The following SNX27 variants were observed in gnomAD, a reference collection of about 807,000 sequenced individuals.
SNX27 encodes the protein sorting nexin 27, also known as sorting nexin-27.
In SNX27, 22 loss-of-function variants were observed where a neutral mutation model predicts 71.6. The observed-to-expected ratio is 0.31, with a 90% CI of 0.22 to 0.44. The LOEUF (loss-of-function observed/expected upper bound fraction) is 0.44. SNX27 is among the 20% of genes least tolerant of loss of function. SNX27 has a pLI of 1.00. For missense variants in SNX27, 531 were observed against 698.6 expected, an observed-to-expected ratio of 0.76 and a Z score of 2.70; for synonymous variants, 269 against 277.2, an observed-to-expected ratio of 0.97 and a Z score of 0.29.
rs756510600 is a variant in SNX27, at chr1:151,662,253, A to G, written c.889A>G (p.Thr297Ala). 6.2e-7 allele frequency: 1 copy of G among 1,610,062 alleles called. No individual in the cohort carries two copies. Among genetic ancestry groups the G allele is most frequent in the Non-Finnish European group, 8.5e-7 (1 of 1,176,516 alleles). ...AGTCAGGGTTAAAAAGAACAGTACTACAGACCAAGTATATCAGGTAAATTA... is the reference window on the plus strand; with the variant it reads ...AGTCAGGGTTAAAAAGAACAGTACTGCAGACCAAGTATATCAGGTAAATTA... ...VTVRVKKNST[T>A]DQVYQAIAAK... The change falls in exon 5 of 12, where the codon ACA (threonine) becomes GCA (alanine). Residue 297 changes from threonine (T) to alanine (A), a missense_variant. Coordinates refer to ENST00000458013, the MANE Select transcript of SNX27 (RefSeq NM_001330723.2).
chr1:151,683,645 T>C (rs1357981054), intron 8 of SNX27, among the ~76,000 whole-genome samples, 200 bp downstream of exon 8: 1 of 144,918 alleles, frequency 6.9e-6, no homozygotes, highest in Admixed American at 7.0e-5. Context: ...TGTGTATTAG[T>C]ACATAATTTT....
At chr1:151,627,396 G>T (rs947951972) in intron 1 of SNX27, among the ~76,000 whole-genome samples, 2 of 152,252 alleles carry the variant, frequency 1.3e-5, no homozygotes, top group African/African-American at 4.8e-5. Context: ...TCCCTTTTGC[G>T]TTTAGTCTTA....
At chr1:151,641,630 T>TATATATATATA (rs1668741460) in intron 2 of SNX27, among the ~76,000 whole-genome samples, 6 of 93,286 alleles carry the variant, frequency 6.4e-5, no homozygotes, top group Admixed American at 1.1e-4. Context: ...TATATATATA[T>TATATATATATA]CATATGTATC....
At chr1:151,650,893 T>C (rs1669305112) in intron 2 of SNX27, among the ~76,000 whole-genome samples, 1 of 152,172 alleles carries the variant, frequency 6.6e-6, no homozygotes, top group South Asian at 2.1e-4. Context: ...ACACAGCACA[T>C]GTTTCAGAGA....
chr1:151,681,054 TA>T (rs1371849783), intron 7 of SNX27, among the ~76,000 whole-genome samples: 1 of 152,106 alleles, frequency 6.6e-6, no homozygotes, highest in Non-Finnish European at 1.5e-5. Context: ...TAGAAGAACT[TA>T]ATAGCTAAAT....
intron 11 of SNX27, 25 bp downstream of exon 11, chr1:151,693,508 G>A: frequency 1.2e-6 from 2 of 1,613,696 alleles, no homozygotes; most frequent in Non-Finnish European, 1.7e-6. Flanking sequence ...TCCTTGAATT[G>A]ACCTTTTCAT....
chr1:151,681,232 A>ATTTTTTTTTTTT (rs1670929431), intron 7 of SNX27, among the ~76,000 whole-genome samples: 1 of 96,212 alleles, frequency 1.0e-5, no homozygotes, highest in Non-Finnish European at 2.1e-5. Context: ...TTAGTCTCTC[A>ATTTTTTTTTTTT]ATCTTTTTTT....
intron 1 of SNX27, among the ~76,000 whole-genome samples, chr1:151,632,511 A>G (rs147516181): frequency 6.6e-6 from 1 of 152,334 alleles, no homozygotes; most frequent in Non-Finnish European, 1.5e-5. Flanking sequence ...TATTGTTTAT[A>G]GGAGATTAAG....
At chr1:151,616,142 G>A (rs1275297533) in intron 1 of SNX27, among the ~76,000 whole-genome samples, 5 of 152,172 alleles carry the variant, frequency 3.3e-5, no homozygotes, top group Admixed American at 3.3e-4. Context: ...TGATGTGTAT[G>A]TACCTGGAGG....
At chr1:151,669,905 C>G (rs999002491) in intron 7 of SNX27, among the ~76,000 whole-genome samples, 1 of 152,100 alleles carries the variant, frequency 6.6e-6, no homozygotes, top group African/African-American at 2.4e-5. Context: ...CAGTTATACT[C>G]TTTTAGTAAT....
intron 3 of SNX27, chr1:151,659,715 A>G (rs1366597112): frequency 6.6e-6 from 1 of 152,138 alleles, no homozygotes; most frequent in Non-Finnish European, 1.5e-5. Context: ...GAGTCTGTGG[A>G]TGTGGATGGT....
At chr1:151,688,217 G>C (rs1289245938) in intron 8 of SNX27, among the ~76,000 whole-genome samples, 2 of 152,200 alleles carry the variant, frequency 1.3e-5, no homozygotes, top group Admixed American at 1.3e-4. Context: ...TGGTCAGAGA[G>C]ACTCAGGTTG....
chr1:151,683,284 C>A, intron 7 of SNX27, 72 bp from the exon 8 acceptor site: 1 of 1,237,662 alleles, frequency 8.1e-7, no homozygotes, highest in Non-Finnish European at 1.2e-6. Context: ...GCGTCTGTGT[C>A]TGTTTTCATC....
At chr1:151,635,544 G>T (rs897675988) in intron 1 of SNX27, among the ~76,000 whole-genome samples, 10 of 152,168 alleles carry the variant, frequency 6.6e-5, no homozygotes, top group Admixed American at 1.3e-4. Context: ...TAGCCTTCTT[G>T]TAAAAAATTA....
At chr1:151,632,411 T>C (rs2488486) in intron 1 of SNX27, among the ~76,000 whole-genome samples, 137,108 of 152,078 alleles carry the variant, frequency 0.9, 62,841 homozygotes, top group Non-Finnish European at 0.99. Flanking sequence ...TCACCTCAGC[T>C]TCCCAAAGTG....
Position 151,612,292 on chromosome 1 carries a change from G to A in SNX27, c.91G>A (p.Ala31Thr). Residue 31 changes from alanine (A) to threonine (T), a missense_variant, in exon 1 of 12, where the codon GCC (alanine) becomes ACC (threonine). Ala to Thr is a moderately conservative substitution (Grantham distance 58). This residue lies in a region of SNX27 where 130 missense variants were observed against 143.5 expected (regional missense o/e 0.91). Transcript: ENST00000458013. This position sits in a 1 kb window ranked among gnomAD's most constrained non-coding sequence, Gnocchi z 5.2. ...GGGGGSGLHC[A>T]GNGGGGGGGP... is the part of the protein sequence containing the mutation. The stretch of plus-strand genomic sequence containing the variant: ...CGGCGGGGGGTCTGGGCTCCACTGC[G>A]CCGGGAACGGCGGCGGGGGAGGCGG... 6.6e-7 allele frequency: 1 copy of A among 1,511,294 alleles called. No individual in the cohort carries two copies. The highest frequency in any genetic ancestry group is 8.8e-7 in the Non-Finnish European group (1 of 1,132,406). The allele number at this position is 1,511,294 out of a possible 1,614,324, so 93.6% of individuals were successfully genotyped here. A position where few individuals can be genotyped will look rare whatever the true frequency, so the allele number is the denominator to read the frequency against.
intron 1 of SNX27, among the ~76,000 whole-genome samples, chr1:151,616,201 C>T (rs1000751236): frequency 1.3e-5 from 2 of 152,146 alleles, no homozygotes; most frequent in Non-Finnish European, 2.9e-5. Flanking sequence ...ATAAATATGT[C>T]TTTGCACTAA....
chr1:151,634,994 C>T lies in SNX27; in HGVS notation c.312-3894C>T, dbSNP rs73000059. 2.9e-3 allele frequency among the ~76,000 whole-genome samples: 435 copies of T among 152,276 alleles called. 6 individuals carry two copies. The highest frequency in any genetic ancestry group is 1.0e-2 in the African/African-American group (415 of 41,554). Reference sequence around the variant, plus strand: ...TAAGAGAATTGGTGCTTCACTGATCCAGTGGTCTTGTGAAGCTGGCTATCT... The same window carrying T: ...TAAGAGAATTGGTGCTTCACTGATCTAGTGGTCTTGTGAAGCTGGCTATCT... On this transcript the variant is annotated intron_variant, in intron 1 of 11. Coordinates refer to ENST00000458013, the MANE Select transcript of SNX27 (RefSeq NM_001330723.2).
intron 1 of SNX27, among the ~76,000 whole-genome samples, chr1:151,637,752 CA>C: frequency 6.6e-6 from 1 of 152,244 alleles, no homozygotes; most frequent in African/African-American, 2.4e-5. Flanking sequence ...CAGACTCTGA[CA>C]GAGACAATTT....
Sources: gnomAD v4.1 joint callset for allele counts (sites outside exome capture counted in the v4.1 genomes callset) on GRCh38, gnomAD v4.1.1 for gene constraint, gnomAD v4.1.1 regional missense constraint, Gnocchi (gnomAD v3.1) non-coding constraint, MANE v1.5 for transcripts, NCBI Gene and HGNC (gene_info 2026-07-23, HGNC 2026-07-21) for gene names.